ABLIM1: variants seen among roughly 807,000 people sequenced by gnomAD.
The protein encoded by ABLIM1 is actin binding LIM protein 1.
Under a neutral mutation model 107.0 loss-of-function variants are expected in ABLIM1, and 40 were observed. That is an observed-to-expected ratio of 0.37 (90% CI 0.29 to 0.49). ABLIM1 has a LOEUF of 0.49. Ranked by LOEUF, ABLIM1 falls within the 20% of genes least tolerant of loss-of-function variation. ABLIM1 has a pLI of 0.97. For synonymous variants in ABLIM1, 357 were observed against 357.3 expected (o/e 1.00, Z 0.01); for missense variants, 857 against 1,008.5 (o/e 0.85, Z 2.04).
chr10:114,636,453 A>T (rs1051295305), intron 1 of ABLIM1, among the ~76,000 whole-genome samples: 2 of 152,164 alleles, frequency 1.3e-5, no homozygotes, highest in Admixed American at 6.5e-5. Context: ...GTTTCCAACC[A>T]TATTGCCTCC....
At chr10:114,759,884 C>G (rs933684147) in intron 1 of ABLIM1, among the ~76,000 whole-genome samples, 2 of 152,076 alleles carry the variant, frequency 1.3e-5, no homozygotes. Flanking sequence ...AACATTTGTC[C>G]TAGATAGAAG....
chr10:114,733,704 G>A (rs553691714), intron 1 of ABLIM1, among the ~76,000 whole-genome samples: 6 of 152,200 alleles, frequency 3.9e-5, no homozygotes, highest in South Asian at 2.1e-4. Flanking sequence ...CCAATAAGTC[G>A]CAGACCAGGT....
chr10:114,651,843 G>A (rs1358908844), intron 1 of ABLIM1, among the ~76,000 whole-genome samples: 1 of 152,160 alleles, frequency 6.6e-6, no homozygotes, highest in East Asian at 1.9e-4. Context: ...CTGTTTGGGG[G>A]GAACCATATC....
intron 6 of ABLIM1, among the ~76,000 whole-genome samples, chr10:114,521,415 A>G (rs969810744): frequency 1.3e-5 from 2 of 152,250 alleles, no homozygotes; most frequent in African/African-American, 2.4e-5. Flanking sequence ...ATAAGAACAA[A>G]CAATAATTAC....
chr10:114,618,528 G>C (rs2077270016), intron 1 of ABLIM1, among the ~76,000 whole-genome samples: 1 of 152,222 alleles, frequency 6.6e-6, no homozygotes, highest in Admixed American at 6.5e-5. Flanking sequence ...AAGTGGTAGA[G>C]ACGTGATTTG....
intron 6 of ABLIM1, among the ~76,000 whole-genome samples, chr10:114,534,297 A>C (rs745330881): frequency 6.6e-6 from 1 of 152,064 alleles, no homozygotes; most frequent in Non-Finnish European, 1.5e-5. Flanking sequence ...TCTGGAGAGG[A>C]GAAAGGACTA....
intron 8 of ABLIM1, among the ~76,000 whole-genome samples, chr10:114,483,722 C>G (rs942344985): frequency 1.3e-5 from 2 of 152,224 alleles, no homozygotes; most frequent in African/African-American, 4.8e-5. Context: ...TCAAACTCTT[C>G]TTATCCTTAG....
At chr10:114,525,442 C>A (rs1246532912) in intron 6 of ABLIM1, among the ~76,000 whole-genome samples, 1 of 152,214 alleles carries the variant, frequency 6.6e-6, no homozygotes. Flanking sequence ...AATGCTTAGG[C>A]AACCGCCTCG....
At chr10:114,732,499 AT>A (rs11302235) in intron 1 of ABLIM1, among the ~76,000 whole-genome samples, 8,576 of 152,054 alleles carry the variant, frequency 0.056, 377 homozygotes, top group African/African-American at 0.12. Flanking sequence ...ATTTGCAAAT[AT>A]TTTTTCCCAT....
intron 1 of ABLIM1, among the ~76,000 whole-genome samples, chr10:114,645,450 T>C (rs1025636158): frequency 2.6e-5 from 4 of 152,170 alleles, no homozygotes; most frequent in African/African-American, 9.7e-5. Flanking sequence ...CTTTTAAGTT[T>C]TCCTCGCAGA....
In ABLIM1 at chr10:114,444,151, GGA is replaced by G. The variant is rs1491352657; in HGVS notation, c.1828-19_1828-18del. 4.0e-6 allele frequency: 5 copies of G among 1,239,150 alleles called. No individual in the cohort carries two copies. The highest frequency in any genetic ancestry group is 1.7e-5 in the South Asian group (1 of 58,186). 76.8% of individuals were successfully genotyped at this position (1,239,150 alleles called of 1,614,324 possible). A position where few individuals can be genotyped will look rare whatever the true frequency, so the allele number is the denominator to read the frequency against. ...TGAGTTAAGCTATTCACAGAAAAAA[GGA>G]AAAAAAAAAAAAAAAGAAAGCAAAG... is the stretch of plus-strand genomic sequence containing the variant. On this transcript the variant is annotated intron_variant, in intron 16 of 22. Transcript: ENST00000533213.
chr10:114,763,511 C>A (rs1388960414), intron 1 of ABLIM1, among the ~76,000 whole-genome samples: 2 of 151,890 alleles, frequency 1.3e-5, no homozygotes, highest in Admixed American at 1.3e-4. Flanking sequence ...CCTCAGCCCC[C>A]GAGTAGCTGG....
chr10:114,506,098 A>G (rs1020751742), intron 6 of ABLIM1, among the ~76,000 whole-genome samples: 3 of 152,234 alleles, frequency 2.0e-5, no homozygotes, highest in African/African-American at 7.2e-5. Flanking sequence ...GCTCCTGCTC[A>G]TAAGTGAGAA....
At chr10:114,464,568 A>G (rs180895727) in intron 12 of ABLIM1, among the ~76,000 whole-genome samples, 161 of 152,300 alleles carry the variant, frequency 1.1e-3, no homozygotes, top group African/African-American at 3.7e-3. Context: ...AATGAATATA[A>G]TAGCCCATGA....
chr10:114,668,082 A>G (rs2080100509), intron 1 of ABLIM1, among the ~76,000 whole-genome samples: 1 of 151,062 alleles, frequency 6.6e-6, no homozygotes, highest in South Asian at 2.1e-4. Flanking sequence ...GGCAGACTTC[A>G]GGTTGCATGA....
At chr10:114,718,998 T>C (rs111897115) in intron 1 of ABLIM1, among the ~76,000 whole-genome samples, 46 of 152,318 alleles carry the variant, frequency 3.0e-4, no homozygotes, top group African/African-American at 1.0e-3. Context: ...GAGTCTTTTA[T>C]GCAGTTTGAT....
At chr10:114,795,955 C>A in the ABLIM1 span, among the ~76,000 whole-genome samples, 25 of 152,010 alleles carry the variant, frequency 1.6e-4, no homozygotes, top group African/African-American at 5.6e-4. Context: ...CAAACTATGA[C>A]CTATTCAGTA....
intron 6 of ABLIM1, among the ~76,000 whole-genome samples, chr10:114,524,985 C>A (rs564520024): frequency 6.6e-6 from 1 of 152,378 alleles, no homozygotes; most frequent in South Asian, 2.1e-4. Flanking sequence ...GACCCTTCCC[C>A]CTCGTTGGCA....
Position 114,548,295 on chromosome 10 carries a change from C to A in ABLIM1, c.674-519G>T, listed in dbSNP as rs1036727616. ...AACCAGCCTTTCAAAGATTTGTGAT[C>A]ATCAATTAAGTGGCTCTTAATTCCT... On this transcript the variant is annotated intron_variant, in intron 4 of 22. Transcript: ENST00000533213. Among the ~76,000 whole-genome samples the A allele has an allele frequency of 1.1e-4, 17 of 152,274 alleles. No homozygotes were observed. The East Asian group carries it at 2.5e-3, about 22-fold the overall frequency.
Sources: gnomAD v4.1 joint callset for allele counts (sites outside exome capture counted in the v4.1 genomes callset) on GRCh38, gnomAD v4.1.1 for gene constraint, MANE v1.5 for transcripts, NCBI Gene and HGNC (gene_info 2026-07-23, HGNC 2026-07-21) for gene names.